ABCB5: variants seen among roughly 807,000 people sequenced by gnomAD.
ABCB5 encodes ATP-binding cassette sub-family B member 5.
Under a neutral mutation model 144.2 loss-of-function variants are expected in ABCB5, and 155 were observed. The observed-to-expected ratio is 1.08, with a 90% CI of 0.94 to 1.23. ABCB5 has a LOEUF of 1.23. Among genes scored for constraint, ABCB5 ranks in the 50% most tolerant of loss-of-function variants. The probability of loss-of-function intolerance (pLI) is 0.00; values close to 1 mark genes in which losing one functional copy is unlikely to be tolerated. For synonymous variants in ABCB5, 610 were observed against 528.6 expected (o/e 1.15, Z -2.11); for missense variants, 1,830 against 1,520.8 (o/e 1.20, Z -3.38).
intron 1 of ABCB5, 39 bp downstream of exon 1, chr7:20,615,876 T>A (rs17804449): frequency 0.096 from 14,611 of 152,300 alleles, 741 homozygotes; most frequent in East Asian, 0.15. Flanking sequence ...ATGAAAACAA[T>A]TGAAGCTTGT....
intron 12 of ABCB5, among the ~76,000 whole-genome samples, chr7:20,651,132 C>G (rs1044209919): frequency 1.3e-5 from 2 of 152,068 alleles, no homozygotes; most frequent in African/African-American, 4.8e-5. Flanking sequence ...ATTTGCGGAA[C>G]CTAGAGTATG....
In ABCB5 at chr7:20,728,972, G is replaced by T. The variant is rs1269536066; in HGVS notation, c.2867+517G>T. ...ATATAATAGTTACACATATTTTAGGGGTACACATGATATTTTGATATATTC... is the reference window on the plus strand; with the variant it reads ...ATATAATAGTTACACATATTTTAGGTGTACACATGATATTTTGATATATTC... On this transcript the variant is annotated intron_variant, in intron 23 of 27. Transcript: ENST00000404938. Among the ~76,000 whole-genome samples, 5 of 151,514 alleles carry T rather than the reference G, an allele frequency of 3.3e-5. No homozygotes were observed. The East Asian group carries it at 9.6e-4, about 29-fold the overall frequency.
At chr7:20,643,665 A>G in intron 7 of ABCB5, 33 bp downstream of exon 7, 1 of 1,609,708 alleles carries the variant, frequency 6.2e-7, no homozygotes, top group Non-Finnish European at 8.5e-7. Context: ...TATTGAATGG[A>G]AGCAGCAGTG....
At chr7:20,747,649 A>T (rs1019603383) in intron 26 of ABCB5, among the ~76,000 whole-genome samples, 1 of 152,142 alleles carries the variant, frequency 6.6e-6, no homozygotes, top group Non-Finnish European at 1.5e-5. Context: ...GCAAAAATCC[A>T]CTGTGCTAAC....
intron 13 of ABCB5, among the ~76,000 whole-genome samples, chr7:20,656,407 T>C (rs1039891115): frequency 2.0e-5 from 3 of 152,248 alleles, no homozygotes; most frequent in Non-Finnish European, 2.9e-5. Context: ...AAAGAACTGC[T>C]ATAGCTTGAT....
In ABCB5 at chr7:20,700,069, C is replaced by T. The variant is rs370367719; in HGVS notation, c.2271C>T (p.Tyr757=). The change falls in exon 19 of 28, where the codon TAC becomes TAT. Residue 757 remains tyrosine (Y), a synonymous_variant. Transcript: ENST00000404938. ...TGTTTGCTTTTCAGGGATTATTTTA[C>T]GGCAGAGCAGGGGAAATTTTAACGA... is the stretch of plus-strand genomic sequence containing the variant. The part of the protein sequence containing the change: ...FVSYFMQGLF[Y]GRAGEILTMR... 47 of 1,613,492 alleles carry T rather than the reference C, an allele frequency of 2.9e-5. 1 individual carries two copies. The highest frequency in any genetic ancestry group is 1.8e-4 in the East Asian group (8 of 44,812).
At chr7:20,668,600 G>T (rs1225324066) in intron 14 of ABCB5, among the ~76,000 whole-genome samples, 3 of 146,532 alleles carry the variant, frequency 2.0e-5, no homozygotes, top group African/African-American at 7.6e-5. Context: ...TGGGGGGGGG[G>T]GTCAGCCCCC....
At chr7:20,743,187 A>G in intron 25 of ABCB5, 113 bp downstream of exon 25, 2 of 1,106,228 alleles carry the variant, frequency 1.8e-6, no homozygotes, top group Non-Finnish European at 2.6e-6. Context: ...TGCAGAAGTT[A>G]AAAAGAAAAA....
chr7:20,727,001 C>G, intron 21 of ABCB5, 39 bp from the exon 22 acceptor site: 1 of 1,434,422 alleles, frequency 7.0e-7, no homozygotes, highest in Non-Finnish European at 9.6e-7. Flanking sequence ...TTAACCATTA[C>G]TAATTTTATT....
At chr7:20,660,307 G>A in intron 14 of ABCB5, 1 of 984,866 alleles carries the variant, frequency 1.0e-6, no homozygotes, top group Non-Finnish European at 1.2e-6. Context: ...CATAATTATG[G>A]GGGAATTTAA....
At chr7:20,750,399 CACACACACACACACACACACATAT>C (rs954596781) in intron 26 of ABCB5, among the ~76,000 whole-genome samples, 1 of 151,684 alleles carries the variant, frequency 6.6e-6, no homozygotes, top group African/African-American at 2.4e-5. Context: ...CACACACACA[CACACACACACACACACACACATAT>C]ACACACAAGC....
rs1365392310 is a variant in ABCB5, at chr7:20,756,002, A to G, written c.*378A>G. 4.2e-6 allele frequency: 1 copy of G among 235,462 alleles called. No homozygotes were observed. The highest frequency in any genetic ancestry group is 1.1e-4 in the East Asian group (1 of 8,980). 14.6% of individuals were successfully genotyped at this position (235,462 alleles called of 1,614,324 possible). A position where few individuals can be genotyped will look rare whatever the true frequency, so the allele number is the denominator to read the frequency against. ...TGAAGGTTTTAGCAAAGGCAGTGTA[A>G]GATAGAGTGGGGCCTGTAGCATTGC... On this transcript the variant is annotated 3_prime_UTR_variant, in exon 28 of 28. Coordinates refer to ENST00000404938, the MANE Select transcript of ABCB5 (RefSeq NM_001163941.2).
intron 3 of ABCB5, 33 bp from the exon 4 acceptor site, chr7:20,628,655 A>G (rs773151036): frequency 1.4e-5 from 22 of 1,597,974 alleles, no homozygotes; most frequent in Non-Finnish European, 1.7e-5. Context: ...TTTGTTTTAC[A>G]GTTGTGGTGC....
intron 16 of ABCB5, among the ~76,000 whole-genome samples, chr7:20,695,391 C>T (rs1378214667): frequency 6.6e-6 from 1 of 151,662 alleles, no homozygotes; most frequent in Non-Finnish European, 1.5e-5. Context: ...ACAACCCATA[C>T]CTCAAACCAC....
chr7:20,742,630 C>T (rs1782596521), intron 24 of ABCB5, among the ~76,000 whole-genome samples: 1 of 152,160 alleles, frequency 6.6e-6, no homozygotes, highest in Non-Finnish European at 1.5e-5. Flanking sequence ...CTGAAGGAAG[C>T]AAGTGGTTTT....
intron 1 of ABCB5, among the ~76,000 whole-genome samples, chr7:20,619,465 G>A (rs1201097105): frequency 2.6e-5 from 4 of 152,026 alleles, no homozygotes; most frequent in Admixed American, 2.0e-4. Context: ...ATGTTTGTTG[G>A]CCACTTGTAT....
chr7:20,651,825 A>G lies in ABCB5; in HGVS notation c.1536+202A>G, dbSNP rs1299537878. On this transcript the variant is annotated intron_variant, in intron 13 of 27. Coordinates refer to ENST00000404938, the MANE Select transcript of ABCB5 (RefSeq NM_001163941.2). ...ACAAATTTGTAAACTTTCTTAACACATTATGAGATTTTTTTGTGATTTTTA... is the reference window on the plus strand; with the variant it reads ...ACAAATTTGTAAACTTTCTTAACACGTTATGAGATTTTTTTGTGATTTTTA... 7.2e-6 allele frequency: 4 copies of G among 555,180 alleles called. No homozygotes were observed. The East Asian group carries it at 8.8e-5, about 12-fold the overall frequency. The allele number at this position is 555,180 out of a possible 1,614,324, so 34.4% of individuals were successfully genotyped here.
rs781034157 is a variant in ABCB5, at chr7:20,745,241, G to A, written c.3232G>A (p.Gly1078Ser). ...AATCTGCTTTTGGCAGCTGTTTGAT[G>A]GTGTGGATGCAAAAGAATTGAATGT... Reference protein sequence around the residue: ...DPVQGQVLFDGVDAKELNVQW... With the variant: ...DPVQGQVLFDSVDAKELNVQW... Residue 1078 changes from glycine to serine, a missense_variant, in exon 26 of 28, where the codon GGT becomes AGT. Transcript: ENST00000404938. The A allele has an allele frequency of 6.2e-7, 1 of 1,613,904 alleles. No individual in the cohort carries two copies. The highest frequency in any genetic ancestry group is 1.1e-5 in the South Asian group (1 of 91,058).
Position 20,645,978 on chromosome 7 carries a change from A to G in ABCB5, c.821A>G (p.Lys274Arg). The G allele has an allele frequency of 6.2e-7, 1 of 1,613,592 alleles. No individual in the cohort carries two copies. The highest frequency in any genetic ancestry group is 1.1e-5 in the South Asian group (1 of 91,022). Residue 274 changes from lysine (K) to arginine (R), a missense_variant, in exon 9 of 28, where the codon AAA becomes AGA. Lys to Arg is a conservative substitution (Grantham distance 26, BLOSUM62 2). Coordinates refer to ENST00000404938, the MANE Select transcript of ABCB5 (RefSeq NM_001163941.2). ...TTTGTAAGGTATACACAGAATCTCA[A>G]AGATGCAAAGGATTTTGGCATAAAA... is the stretch of plus-strand genomic sequence containing the variant. The part of the protein sequence containing the change: ...KELQRYTQNL[K>R]DAKDFGIKRT...
Sources: allele counts gnomAD v4.1 joint callset (sites outside exome capture counted in the v4.1 genomes callset), GRCh38; gene constraint gnomAD v4.1.1; transcripts MANE v1.5; gene names NCBI Gene and HGNC (gene_info 2026-07-23, HGNC 2026-07-21).